Variants in CAPRIN1 observed in about 807,000 individuals in gnomAD.
The protein encoded by CAPRIN1 is caprin-1.
Under a neutral mutation model 100.9 loss-of-function variants are expected in CAPRIN1, and 29 were observed. The ratio of observed to expected loss-of-function variants is 0.29; its 90% CI spans 0.21 to 0.39. CAPRIN1 has a LOEUF of 0.39. Among genes scored for constraint, CAPRIN1 ranks in the 10% least tolerant of loss-of-function variants. The pLI is 1.00. For synonymous variants in CAPRIN1, 338 were observed against 307.5 expected (o/e 1.10, Z -1.04); for missense variants, 795 against 876.7 (o/e 0.91, Z 1.18).
At position 34,101,893 on chromosome 11, in the gene CAPRIN1, A is replaced by G. The variant is rs2134143839; in HGVS notation, c.*2526A>G. On this transcript the variant is annotated 3_prime_UTR_variant, in exon 19 of 19. Transcript: ENST00000341394. ...CTCTTGGTGTAGCAAGCTCACATAC[A>G]AAATACTTTTGTATATGCATAATAT... Among the ~76,000 whole-genome samples, 1 of 152,328 alleles carries G rather than the reference A, an allele frequency of 6.6e-6. No individual in the cohort carries two copies. Among genetic ancestry groups the G allele is most frequent in the South Asian group, 2.1e-4 (1 of 4,824 alleles).
chr11:34,087,329 A>ATTTTTTTT (rs5790975), intron 11 of CAPRIN1, among the ~76,000 whole-genome samples: 1 of 96,580 alleles, frequency 1.0e-5, no homozygotes, highest in Non-Finnish European at 1.9e-5. Context: ...TATCTCTCAC[A>ATTTTTTTT]TTTTTTTTTT....
Position 34,099,304 on chromosome 11 carries a change from T to G in CAPRIN1, c.2067T>G (p.Gly689=). The stretch of plus-strand genomic sequence containing the variant: ...TCAAATGCCATTTTTGTCTTCTAGG[T>G]CGTGGAGGGCCCCCAAGACCCAACA... The part of the protein sequence containing the change: ...GQSGPRGAPR[G]RGGPPRPNRG... The change falls in exon 19 of 19, where the codon GGT becomes GGG. Residue 689 remains glycine, a splice_region_variant and synonymous_variant. Transcript: ENST00000341394. 1 of 1,613,786 alleles carries G rather than the reference T, an allele frequency of 6.2e-7. No individual in the cohort carries two copies. The highest frequency in any genetic ancestry group is 8.5e-7 in the Non-Finnish European group (1 of 1,179,716).
intron 9 of CAPRIN1, among the ~76,000 whole-genome samples, chr11:34,084,746 T>C (rs1851105211): frequency 1.3e-5 from 2 of 152,158 alleles, no homozygotes; most frequent in South Asian, 4.1e-4. Flanking sequence ...AGCCAGGTAA[T>C]AGGGATGTAT....
intron 2 of CAPRIN1, chr11:34,052,955 C>T (rs1353892442): frequency 4.1e-5 from 49 of 1,195,510 alleles, no homozygotes; most frequent in Non-Finnish European, 5.0e-5. Flanking sequence ...GTCGTCAGGA[C>T]TTCACTGTAT....
rs556465091 is a variant in CAPRIN1, at chr11:34,091,615, T to C, written c.1555-291T>C. 11 of 202,754 alleles carry C rather than the reference T, an allele frequency of 5.4e-5. 1 individual carries two copies. The South Asian group carries it at 1.3e-3, about 23-fold the overall frequency. 12.6% of individuals were successfully genotyped at this position (202,754 alleles called of 1,614,324 possible). A position where few individuals can be genotyped will look rare whatever the true frequency, so the allele number is the denominator to read the frequency against. On this transcript the variant is annotated intron_variant, in intron 14 of 18. Coordinates refer to ENST00000341394, the MANE Select transcript of CAPRIN1 (RefSeq NM_005898.5). ...GTTTGTCTTTTAAAAAGATTTCTCA[T>C]ATATGTAAAAGCATTTCCAAGGCTG...
intron 2 of CAPRIN1, among the ~76,000 whole-genome samples, chr11:34,066,304 C>T (rs1850691141): frequency 6.6e-6 from 1 of 151,012 alleles, no homozygotes; most frequent in Non-Finnish European, 1.5e-5. Flanking sequence ...CCTGTAGTTT[C>T]TGTACCTTTT....
intron 2 of CAPRIN1, chr11:34,056,678 A>G (rs1850459485): frequency 1.3e-5 from 2 of 152,202 alleles, no homozygotes; most frequent in African/African-American, 4.8e-5. Flanking sequence ...TCTTAATTTT[A>G]ACTGAAGAGA....
chr11:34,064,953 G>GTTTTT (rs1850656086), intron 2 of CAPRIN1, among the ~76,000 whole-genome samples: 1 of 120,518 alleles, frequency 8.3e-6, no homozygotes, highest in African/African-American at 3.1e-5. Context: ...GCTGTATAAT[G>GTTTTT]GTTTTTTTTT....
intron 2 of CAPRIN1, chr11:34,052,969 G>T (rs942011822): frequency 5.4e-6 from 6 of 1,104,174 alleles, no homozygotes; most frequent in African/African-American, 3.4e-5. Flanking sequence ...ACTGTATGGT[G>T]CCCTTCTTTC....
chr11:34,098,159 G>C, intron 18 of CAPRIN1: 1 of 1,002,814 alleles, frequency 1.0e-6, no homozygotes, highest in Non-Finnish European at 1.2e-6. Flanking sequence ...TTTGAAACAT[G>C]CCTATTATAT....
intron 2 of CAPRIN1, among the ~76,000 whole-genome samples, chr11:34,070,567 G>C (rs2134102442): frequency 6.6e-6 from 1 of 152,012 alleles, no homozygotes; most frequent in Middle Eastern, 3.4e-3. Flanking sequence ...GCTAATTTTT[G>C]TGTTTTTTGG....
intron 4 of CAPRIN1, among the ~76,000 whole-genome samples, chr11:34,074,599 T>G (rs1172084113): frequency 2.6e-5 from 4 of 152,194 alleles, no homozygotes; most frequent in Non-Finnish European, 5.9e-5. Flanking sequence ...AAGACCTTCC[T>G]GGGCAGGGTG....
chr11:34,052,342 C>A, intron 1 of CAPRIN1, 79 bp from the exon 2 acceptor site: 2 of 1,153,906 alleles, frequency 1.7e-6, no homozygotes, highest in Non-Finnish European at 2.5e-6. Context: ...TTTTGTCCCG[C>A]GTCTCGCCCC....
rs1565100578 is a variant in CAPRIN1 at position 34,100,293 on chromosome 11, A to G, written c.*926A>G. The G allele has an allele frequency of 6.6e-6, 1 of 152,154 alleles. No individual in the cohort carries two copies. Among genetic ancestry groups the G allele is most frequent in the African/African-American group, 2.4e-5 (1 of 41,444 alleles). The allele number at this position is 152,154 out of a possible 1,614,324, so 9.4% of individuals were successfully genotyped here. A position where few individuals can be genotyped will look rare whatever the true frequency, so the allele number is the denominator to read the frequency against. On this transcript the variant is annotated 3_prime_UTR_variant, in exon 19 of 19. Coordinates refer to ENST00000341394, the MANE Select transcript of CAPRIN1 (RefSeq NM_005898.5). ...TGATGAAAATCTCTAGTGGATAATCATAACACTCTCGGTCACATGTTTTTC... is the reference window on the plus strand; with the variant it reads ...TGATGAAAATCTCTAGTGGATAATCGTAACACTCTCGGTCACATGTTTTTC...
intron 11 of CAPRIN1, 86 bp downstream of exon 11, chr11:34,086,499 T>C: frequency 1.3e-6 from 1 of 764,034 alleles, no homozygotes; most frequent in East Asian, 2.6e-5. Flanking sequence ...TAAATTTTGT[T>C]TATTTTAATG....
intron 2 of CAPRIN1, among the ~76,000 whole-genome samples, chr11:34,056,044 C>T (rs772437875): frequency 6.6e-6 from 1 of 152,248 alleles, no homozygotes; most frequent in East Asian, 1.9e-4. Context: ...TATAAGTGAG[C>T]ATTTCTAATG....
intron 9 of CAPRIN1, among the ~76,000 whole-genome samples, chr11:34,085,495 T>C (rs1305891631): frequency 6.6e-6 from 1 of 152,180 alleles, no homozygotes; most frequent in Non-Finnish European, 1.5e-5. Context: ...TAATCTTTCT[T>C]TGAAAGCAGC....
intron 2 of CAPRIN1, among the ~76,000 whole-genome samples, chr11:34,061,969 C>CAA (rs3073356): frequency 0.94 from 111,521 of 118,230 alleles, 52,913 homozygotes; most frequent in Non-Finnish European, 0.98. Flanking sequence ...GAGTCTGTCT[C>CAA]AAAAAAAAAA....
chr11:34,064,640 A>C (rs1447937592), intron 2 of CAPRIN1, among the ~76,000 whole-genome samples: 1 of 152,200 alleles, frequency 6.6e-6, no homozygotes, highest in Non-Finnish European at 1.5e-5. Flanking sequence ...TTCTGTTTAT[A>C]GTGTACATTT....
Sources: allele counts gnomAD v4.1 joint callset (sites outside exome capture counted in the v4.1 genomes callset), GRCh38; gene constraint gnomAD v4.1.1; transcripts MANE v1.5; gene names NCBI Gene and HGNC (gene_info 2026-07-23, HGNC 2026-07-21).